CNTN6: variants seen among roughly 807,000 people sequenced by gnomAD.
The protein encoded by CNTN6 is contactin 6, also known as contactin-6.
In CNTN6, 137 loss-of-function variants were observed where a neutral mutation model predicts 122.8. The ratio of observed to expected loss-of-function variants is 1.12; its 90% CI spans 0.97 to 1.29. The LOEUF (loss-of-function observed/expected upper bound fraction) is 1.29, where lower values mean the gene tolerates loss of function less well. Ranked by LOEUF, CNTN6 falls within the 50% of genes most tolerant of loss-of-function variation. The probability of loss-of-function intolerance (pLI) is 0.00; values close to 1 mark genes in which losing one functional copy is unlikely to be tolerated. For missense variants in CNTN6, 1,634 were observed against 1,223.4 expected, an observed-to-expected ratio of 1.34 and a Z score of -5.01; for synonymous variants, 570 against 426.0, an observed-to-expected ratio of 1.34 and a Z score of -4.16.
In CNTN6 at chr3:1,311,706, CT is replaced by C. The variant is rs761169758; in HGVS notation, c.762-9942del. On this transcript the variant is annotated intron_variant, in intron 7 of 22. Coordinates refer to ENST00000446702, the MANE Select transcript of CNTN6 (RefSeq NM_001289080.2). ...ATTTCTCCCCCAAAGGATAACTACTCTTATTTCAGTATACATATATCCTTCC... is the reference window on the plus strand; with the variant it reads ...ATTTCTCCCCCAAAGGATAACTACTCTATTTCAGTATACATATATCCTTCC... Among the ~76,000 whole-genome samples the C allele has an allele frequency of 9.9e-5, 15 of 151,496 alleles. No individual in the cohort carries two copies. In the East Asian group the frequency reaches 2.7e-3, roughly 28 times the overall value.
intron 4 of CNTN6, among the ~76,000 whole-genome samples, chr3:1,254,885 T>A (rs2094727483): frequency 6.6e-6 from 1 of 152,134 alleles, no homozygotes; most frequent in Non-Finnish European, 1.5e-5. Flanking sequence ...AAACATTTAT[T>A]TTTGGTCACG....
chr3:1,176,463 G>A (rs192265839), intron 2 of CNTN6, among the ~76,000 whole-genome samples: 5 of 152,254 alleles, frequency 3.3e-5, no homozygotes, highest in Admixed American at 6.5e-5. Context: ...CTGGTTAGCC[G>A]AAGAGAGTGG....
At chr3:1,312,151 T>C (rs913757858) in intron 7 of CNTN6, among the ~76,000 whole-genome samples, 1 of 152,016 alleles carries the variant, frequency 6.6e-6, no homozygotes, top group African/African-American at 2.4e-5. Flanking sequence ...GGACCTGCCC[T>C]AAAAGTTGGC....
intron 2 of CNTN6, among the ~76,000 whole-genome samples, chr3:1,177,060 C>A (rs931363720): frequency 1.3e-5 from 2 of 152,128 alleles, no homozygotes; most frequent in Admixed American, 6.5e-5. Context: ...AATGTTTAAT[C>A]TTAATCTAAT....
At chr3:1,192,028 T>A (rs1177409976) in intron 2 of CNTN6, among the ~76,000 whole-genome samples, 4 of 152,166 alleles carry the variant, frequency 2.6e-5, no homozygotes, top group Non-Finnish European at 5.9e-5. Flanking sequence ...GGTGCCGTGC[T>A]CTAGTATTTA....
intron 8 of CNTN6, among the ~76,000 whole-genome samples, chr3:1,325,582 A>T (rs1188209743): frequency 6.6e-6 from 1 of 151,838 alleles, no homozygotes; most frequent in Non-Finnish European, 1.5e-5. Flanking sequence ...AGGTGGAGCA[A>T]AATGACAGAT....
At chr3:1,390,161 T>C (rs1693892611) in intron 20 of CNTN6, among the ~76,000 whole-genome samples, 1 of 151,870 alleles carries the variant, frequency 6.6e-6, no homozygotes, top group Non-Finnish European at 1.5e-5. Context: ...TACTTGGAAG[T>C]AAAGCTCTCC....
intron 4 of CNTN6, among the ~76,000 whole-genome samples, chr3:1,245,282 CATATATATATA>C (rs1373985021): frequency 1.6e-4 from 1 of 6,192 alleles, no homozygotes; most frequent in African/African-American, 5.9e-4. Flanking sequence ...TATACACACA[CATATATATATA>C]ACATATATAT....
intron 7 of CNTN6, among the ~76,000 whole-genome samples, chr3:1,299,640 C>T (rs1044284758): frequency 6.6e-6 from 1 of 152,132 alleles, no homozygotes; most frequent in East Asian, 1.9e-4. Flanking sequence ...CCTGTTCAAT[C>T]TTATGTTTCT....
chr3:1,134,601 C>G (rs2092424883), intron 1 of CNTN6, among the ~76,000 whole-genome samples: 1 of 152,074 alleles, frequency 6.6e-6, no homozygotes, highest in South Asian at 2.1e-4. Context: ...TAAAATGATG[C>G]TTTTAAAAGA....
chr3:1,245,216 ATATATATATATATATATATACACACAC>A (rs2094546456), intron 4 of CNTN6, among the ~76,000 whole-genome samples: 1 of 24,548 alleles, frequency 4.1e-5, no homozygotes, highest in African/African-American at 3.2e-4. Flanking sequence ...ATATATATAT[ATATATATATATATATATATACACACAC>A]ACATATATAT....
At chr3:1,372,553 T>TCTCC in intron 13 of CNTN6, 79 bp downstream of exon 13, 1 of 1,188,380 alleles carries the variant, frequency 8.4e-7, no homozygotes, top group East Asian at 2.5e-5. Flanking sequence ...ATAGTTACTC[T>TCTCC]CTCCATCTTT....
intron 5 of CNTN6, among the ~76,000 whole-genome samples, chr3:1,294,827 C>T (rs1559736350): frequency 6.6e-6 from 1 of 152,170 alleles, no homozygotes; most frequent in African/African-American, 2.4e-5. Context: ...TTTGTCAAAG[C>T]ATATGTTATC....
intron 11 of CNTN6, among the ~76,000 whole-genome samples, chr3:1,341,648 G>A (rs545224935): frequency 6.6e-6 from 1 of 152,112 alleles, no homozygotes; most frequent in Non-Finnish European, 1.5e-5. Context: ...CTGTGTTTGT[G>A]TTGCGTCAGC....
intron 1 of CNTN6, among the ~76,000 whole-genome samples, chr3:1,119,311 A>G (rs1317105440): frequency 7.0e-5 from 1 of 14,354 alleles, no homozygotes. Context: ...GAGAAAGAAT[A>G]ACAGAAAAAT....
intron 2 of CNTN6, among the ~76,000 whole-genome samples, chr3:1,203,827 C>T (rs2093919530): frequency 6.6e-6 from 1 of 152,174 alleles, no homozygotes; most frequent in Non-Finnish European, 1.5e-5. Flanking sequence ...GACCGACTCC[C>T]CCCTATGAGA....
chr3:1,377,560 A>AT (rs1196423997), intron 17 of CNTN6, among the ~76,000 whole-genome samples: 3 of 152,116 alleles, frequency 2.0e-5, no homozygotes, highest in Non-Finnish European at 2.9e-5. Context: ...ATACAGGCTC[A>AT]TTTTTTTACC....
chr3:1,209,129 A>C (rs1055319296), intron 2 of CNTN6, among the ~76,000 whole-genome samples: 1 of 152,186 alleles, frequency 6.6e-6, no homozygotes, highest in Non-Finnish European at 1.5e-5. Context: ...CCAATATGGC[A>C]TATACATTTT....
intron 2 of CNTN6, 29 bp from the exon 3 acceptor site, chr3:1,220,658 T>C (rs1575293864): frequency 6.4e-7 from 1 of 1,572,580 alleles, no homozygotes; most frequent in East Asian, 2.2e-5. Flanking sequence ...CACTTTTTTT[T>C]CATGTGATTT....
Sources: allele counts gnomAD v4.1 joint callset (sites outside exome capture counted in the v4.1 genomes callset), GRCh38; gene constraint gnomAD v4.1.1; transcripts MANE v1.5; gene names NCBI Gene and HGNC (gene_info 2026-07-23, HGNC 2026-07-21).